The following LRP8 variants were observed in gnomAD, a reference collection of about 807,000 sequenced individuals.
LRP8 encodes the protein low-density lipoprotein receptor-related protein 8.
LRP8 carries 46 observed loss-of-function variants against 111.6 expected under a neutral mutation model. The ratio of observed to expected loss-of-function variants is 0.41; its 90% CI spans 0.33 to 0.53. LRP8 has a LOEUF of 0.53. Ranked by LOEUF, LRP8 falls within the 20% of genes least tolerant of loss-of-function variation. The pLI is 0.20. For synonymous variants in LRP8, 464 were observed against 511.2 expected (o/e 0.91, Z 1.24); for missense variants, 959 against 1,297.4 (o/e 0.74, Z 4.01).
chr1:53,290,077 G>A (rs1006356856), intron 2 of LRP8, among the ~76,000 whole-genome samples: 9 of 150,702 alleles, frequency 6.0e-5, no homozygotes, highest in Non-Finnish European at 1.2e-4. Context: ...TCCCCAACTG[G>A]ACTGGAAGTC....
chr1:53,291,410 C>T (rs1326192415), intron 2 of LRP8, among the ~76,000 whole-genome samples: 1 of 152,070 alleles, frequency 6.6e-6, no homozygotes, highest in East Asian at 1.9e-4. Context: ...GCCTGCCCCG[C>T]TCCCTCATCT....
intron 2 of LRP8, among the ~76,000 whole-genome samples, chr1:53,323,726 G>C (rs1460018726): frequency 6.6e-6 from 1 of 152,258 alleles, no homozygotes; most frequent in African/African-American, 2.4e-5. Flanking sequence ...TCGGGACTTA[G>C]AAGGCCTCAG....
Position 53,270,963 on chromosome 1 carries a change from A to G in LRP8, c.1252+65T>C, listed in dbSNP as rs1484801937. 4.3e-6 allele frequency: 7 copies of G among 1,611,848 alleles called. No homozygotes were observed. The African/African-American group carries it at 9.4e-5, about 22-fold the overall frequency. On this transcript the variant is annotated intron_variant, in intron 8 of 18. Transcript: ENST00000306052. ...CACATGTACACGCCCACTCCTCACA[A>G]GTGGAAGCACGCTGCTTCCTGTATG...
chr1:53,263,805 GC>G (rs1038696058), intron 10 of LRP8, among the ~76,000 whole-genome samples: 1 of 152,188 alleles, frequency 6.6e-6, no homozygotes, highest in Non-Finnish European at 1.5e-5. Flanking sequence ...GGTGAAACAG[GC>G]CCTATGGGAG....
chr1:53,326,493 C>T (rs1232284637), intron 2 of LRP8, among the ~76,000 whole-genome samples: 1 of 152,232 alleles, frequency 6.6e-6, no homozygotes, highest in African/African-American at 2.4e-5. Flanking sequence ...CTTTGAAACA[C>T]GCGCGCGTCC....
intron 1 of LRP8, chr1:53,327,493 C>T: frequency 3.1e-6 from 1 of 327,762 alleles, no homozygotes; most frequent in Non-Finnish European, 5.5e-6. Context: ...GCGAGAATCA[C>T]ACAGCTCATC....
chr1:53,258,515 C>G, intron 13 of LRP8, 44 bp from the exon 14 acceptor site: 1 of 1,586,064 alleles, frequency 6.3e-7, no homozygotes, highest in Non-Finnish European at 8.6e-7. Flanking sequence ...ACAGGACATG[C>G]CAGGTCTTCC....
At chr1:53,280,058 C>G (rs1241607280) in intron 4 of LRP8, among the ~76,000 whole-genome samples, 1 of 152,340 alleles carries the variant, frequency 6.6e-6, no homozygotes, top group East Asian at 1.9e-4. Flanking sequence ...TCTTCTCTGC[C>G]CTGTGACGTC....
rs537818391 is a variant in LRP8 at position 53,286,538 on chromosome 1, G to A, written c.367+3029C>T. Among the ~76,000 whole-genome samples the A allele has an allele frequency of 3.5e-3, 531 of 150,282 alleles. 4 individuals carry two copies. Among genetic ancestry groups the A allele is most frequent in the African/African-American group, 0.012 (510 of 41,158 alleles). On this transcript the variant is annotated intron_variant, in intron 3 of 18. Coordinates refer to ENST00000306052, the MANE Select transcript of LRP8 (RefSeq NM_004631.5). ...GAAGCCTGAAGGTGGGTCAGAAGCCGTCCCCAATCAAGTGAGCTATAATTA... is the reference window on the plus strand; with the variant it reads ...GAAGCCTGAAGGTGGGTCAGAAGCCATCCCCAATCAAGTGAGCTATAATTA...
In LRP8 at chr1:53,327,006, G is replaced by C; in HGVS notation, c.125-14C>G. 1 of 1,611,364 alleles carries C rather than the reference G, an allele frequency of 6.2e-7. No individual in the cohort carries two copies. Among genetic ancestry groups the C allele is most frequent in the Non-Finnish European group, 8.5e-7 (1 of 1,179,762 alleles). On this transcript the variant is annotated splice_polypyrimidine_tract_variant and intron_variant, in intron 1 of 18. Coordinates refer to ENST00000306052, the MANE Select transcript of LRP8 (RefSeq NM_004631.5). ...CCTTGGCCGGCCCTGCGAGGGGGAG[G>C]GAGCGTGAGCTGGATCAGCGGACTC...
chr1:53,322,875 A>G (rs1044589801), intron 2 of LRP8, among the ~76,000 whole-genome samples: 1 of 152,196 alleles, frequency 6.6e-6, no homozygotes, highest in Admixed American at 6.5e-5. Flanking sequence ...GCACTCCTGC[A>G]GCCTGGCCTT....
At chr1:53,322,454 C>T (rs1654635954) in intron 2 of LRP8, among the ~76,000 whole-genome samples, 1 of 152,126 alleles carries the variant, frequency 6.6e-6, no homozygotes, top group African/African-American at 2.4e-5. Flanking sequence ...GAATAGCACA[C>T]ACAAAGGCCT....
rs571183935 is a variant in LRP8, at chr1:53,303,965, G to A, written c.245-14276C>T. ...TTCACCCCTCCTTGTTCTTTGGCTC[G>A]GTCAGAAAGACTCCCAGGGAAGTGG... On this transcript the variant is annotated intron_variant, in intron 2 of 18. Coordinates refer to ENST00000306052, the MANE Select transcript of LRP8 (RefSeq NM_004631.5). This position sits in a 1 kb window ranked among gnomAD's most constrained non-coding sequence, Gnocchi z 4.3. Among the ~76,000 whole-genome samples, 12 of 152,178 alleles carry A rather than the reference G, an allele frequency of 7.9e-5. No homozygotes were observed. Among genetic ancestry groups the A allele is most frequent in the African/African-American group, 2.2e-4 (9 of 41,516 alleles).
intron 3 of LRP8, among the ~76,000 whole-genome samples, chr1:53,286,381 CAG>C (rs574259137): frequency 1.4e-3 from 214 of 152,300 alleles, no homozygotes; most frequent in Middle Eastern, 6.8e-3. Flanking sequence ...CCTGGTTAAT[CAG>C]AGAGGCCCCC....
intron 3 of LRP8, among the ~76,000 whole-genome samples, chr1:53,281,295 G>A (rs1000188554): frequency 7.2e-5 from 11 of 152,260 alleles, no homozygotes; most frequent in African/African-American, 2.7e-4. Context: ...GGACTGCATA[G>A]CTATAATTAC....
At chr1:53,314,369 A>AT (rs1445149450) in intron 2 of LRP8, among the ~76,000 whole-genome samples, 1 of 152,238 alleles carries the variant, frequency 6.6e-6, no homozygotes, top group African/African-American at 2.4e-5. Flanking sequence ...ACCAGGCCCC[A>AT]TGCTAGGGGA....
chr1:53,316,612 T>C lies in LRP8; in HGVS notation c.244+10261A>G, dbSNP rs1405971146. Among the ~76,000 whole-genome samples, 3 of 152,158 alleles carry C rather than the reference T, an allele frequency of 2.0e-5. No homozygotes were observed. The East Asian group carries it at 5.8e-4, about 29-fold the overall frequency. ...GCACCCTGTACCTGGGGCCTGGCCA[T>C]GGCAGACTCCCACCATGTGAATCCC... On this transcript the variant is annotated intron_variant, in intron 2 of 18. Transcript: ENST00000306052.
At chr1:53,260,712 C>A in intron 12 of LRP8, 107 bp from the exon 13 acceptor site, 1 of 1,131,398 alleles carries the variant, frequency 8.8e-7, no homozygotes, top group Admixed American at 2.0e-5. Context: ...CTGAAATCTC[C>A]CCTGATCTGT....
rs754174338 is a variant in LRP8 at position 53,250,750 on chromosome 1, T to C, written c.2616A>G (p.Glu872=). Residue 872 remains glutamate, a synonymous_variant, in exon 17 of 19, where the codon GAA becomes GAG. Coordinates refer to ENST00000306052, the MANE Select transcript of LRP8 (RefSeq NM_004631.5). This position sits in a 1 kb window ranked among gnomAD's most constrained non-coding sequence, Gnocchi z 4.6. Reference sequence around the variant, plus strand: ...CTATATGGAGCTCATCTTCGTCTTCTTCTTCTGTTGTTTTCCTGTAGACTG... The same window carrying C: ...CTATATGGAGCTCATCTTCGTCTTCCTCTTCTGTTGTTTTCCTGTAGACTG... The part of the protein sequence containing the change: ...DNPVYRKTTE[E]EDEDELHIGR... The C allele has an allele frequency of 1.9e-6, 3 of 1,614,156 alleles. No individual in the cohort carries two copies. Among genetic ancestry groups the C allele is most frequent in the South Asian group, 1.1e-5 (1 of 91,082 alleles).
Sources: allele counts gnomAD v4.1 joint callset (sites outside exome capture counted in the v4.1 genomes callset), GRCh38; gene constraint gnomAD v4.1.1; non-coding constraint Gnocchi (gnomAD v3.1); transcripts MANE v1.5; gene names NCBI Gene and HGNC (gene_info 2026-07-23, HGNC 2026-07-21).